Variants in TOX observed in about 807,000 individuals in gnomAD.
TOX encodes the protein thymocyte selection-associated high mobility group box protein TOX.
A neutral mutation model predicts 53.7 loss-of-function variants in TOX; 11 were observed. That is an observed-to-expected ratio of 0.20 (90% CI 0.13 to 0.34). The LOEUF is 0.34. Ranked by LOEUF, TOX falls within the 10% of genes least tolerant of loss-of-function variation. The pLI, the probability that TOX is intolerant of heterozygous loss-of-function variation, is 1.00. For synonymous variants in TOX, 225 were observed against 245.3 expected (o/e 0.92, Z 0.77); for missense variants, 570 against 664.6 (o/e 0.86, Z 1.56).
chr8:58,868,593 T>C (rs1210640303), intron 3 of TOX, among the ~76,000 whole-genome samples: 1 of 152,120 alleles, frequency 6.6e-6, no homozygotes, highest in Non-Finnish European at 1.5e-5. Context: ...AAAAAATAGT[T>C]ATTTAAAATT....
intron 1 of TOX, among the ~76,000 whole-genome samples, chr8:59,039,425 TCA>T (rs1803532837): frequency 6.6e-6 from 1 of 152,242 alleles, no homozygotes; most frequent in African/African-American, 2.4e-5. Flanking sequence ...TTTGGATTGC[TCA>T]CTGTTCAGCA....
intron 1 of TOX, among the ~76,000 whole-genome samples, chr8:59,097,571 G>C (rs374883513): frequency 5.9e-5 from 9 of 152,038 alleles, no homozygotes; most frequent in African/African-American, 2.2e-4. Flanking sequence ...TATTTCCTTC[G>C]TACCTAGGAT....
At chr8:59,051,884 TATTTAGTGAGTCAATATAATGAGC>T (rs1191025866) in intron 1 of TOX, among the ~76,000 whole-genome samples, 1 of 152,212 alleles carries the variant, frequency 6.6e-6, no homozygotes. Context: ...TTATCAGCTC[TATTTAGTGAGTCAATATAATGAGC>T]ACATCTGAAT....
In TOX at chr8:59,010,057, T is replaced by C. The variant is rs113521022; in HGVS notation, c.103-50049A>G. On this transcript the variant is annotated intron_variant, in intron 1 of 8. Transcript: ENST00000361421. The stretch of plus-strand genomic sequence containing the variant: ...ATAGAGTTTCTATCAAAATTATCAC[T>C]CTTGACTTTAAGATGATCTTCAAAG... Among the ~76,000 whole-genome samples, 813 of 152,310 alleles carry C rather than the reference T, an allele frequency of 5.3e-3. 3 individuals are homozygous for C. Among genetic ancestry groups the C allele is most frequent in the African/African-American group, 0.019 (778 of 41,554 alleles).
intron 1 of TOX, among the ~76,000 whole-genome samples, chr8:59,023,354 T>C (rs1814172553): frequency 4.5e-4 from 2 of 4,482 alleles, no homozygotes; most frequent in South Asian, 0.029. Context: ...GAAGGTACTC[T>C]ATGACTCTAA....
intron 3 of TOX, among the ~76,000 whole-genome samples, chr8:58,883,755 T>C (rs1015871443): frequency 3.3e-5 from 5 of 152,140 alleles, no homozygotes; most frequent in African/African-American, 2.4e-5. Flanking sequence ...CTGCTAATTA[T>C]ATAGAAATTG....
intron 1 of TOX, among the ~76,000 whole-genome samples, chr8:59,014,068 T>G (rs1813964677): frequency 6.6e-6 from 1 of 152,192 alleles, no homozygotes; most frequent in Non-Finnish European, 1.5e-5. Context: ...TAGTCATTGT[T>G]TTAGAAATGA....
chr8:58,892,134 A>G (rs534509342), intron 3 of TOX, among the ~76,000 whole-genome samples: 1 of 152,242 alleles, frequency 6.6e-6, no homozygotes, highest in Admixed American at 6.5e-5. Flanking sequence ...GACTGTTGTT[A>G]TAATTGCTCC....
chr8:58,948,202 T>C (rs974887363), intron 2 of TOX, among the ~76,000 whole-genome samples: 1 of 152,104 alleles, frequency 6.6e-6, no homozygotes, highest in Admixed American at 6.5e-5. Context: ...GATTCAGGGA[T>C]TACTGGAACC....
Position 58,904,533 on chromosome 8 carries a change from G to A in TOX, c.411+34769C>T, listed in dbSNP as rs116458616. On this transcript the variant is annotated intron_variant, in intron 3 of 8. Coordinates refer to ENST00000361421, the MANE Select transcript of TOX (RefSeq NM_014729.3). ...AATCTCTGGAAAATGACATTCACTG[G>A]TGTTCTATTGACCCAACATGACAAG... Among the ~76,000 whole-genome samples, 949 of 152,162 alleles carry A rather than the reference G, an allele frequency of 6.2e-3. 12 individuals are homozygous for A. The highest frequency in any genetic ancestry group is 0.022 in the African/African-American group (908 of 41,498).
intron 1 of TOX, among the ~76,000 whole-genome samples, chr8:59,075,264 G>C (rs1043430066): frequency 1.3e-5 from 2 of 152,094 alleles, no homozygotes; most frequent in Admixed American, 1.3e-4. Context: ...CAAAAATATG[G>C]TGCCTTGACA....
chr8:59,044,907 TG>T (rs1803657718), intron 1 of TOX, among the ~76,000 whole-genome samples: 1 of 152,208 alleles, frequency 6.6e-6, no homozygotes, highest in Admixed American at 6.5e-5. Flanking sequence ...GCTACACACA[TG>T]TTTTACTGCT....
chr8:58,833,317 C>T (rs553250397), intron 5 of TOX, among the ~76,000 whole-genome samples: 2 of 152,182 alleles, frequency 1.3e-5, no homozygotes, highest in African/African-American at 4.8e-5. Flanking sequence ...GCCGGCTTGC[C>T]GTGGCTAAAA....
chr8:58,978,487 G>T (rs1202219575), intron 1 of TOX, among the ~76,000 whole-genome samples: 1 of 152,098 alleles, frequency 6.6e-6, no homozygotes, highest in African/African-American at 2.4e-5. Flanking sequence ...ACAACATAAG[G>T]TATCTAATGT....
At chr8:58,925,589 C>T (rs897277982) in intron 3 of TOX, among the ~76,000 whole-genome samples, 7 of 152,146 alleles carry the variant, frequency 4.6e-5, no homozygotes, top group South Asian at 4.1e-4. Flanking sequence ...ACATATGAGG[C>T]GGCAGCTAAA....
chr8:59,112,623 T>C (rs1805035650), intron 1 of TOX, among the ~76,000 whole-genome samples: 1 of 151,886 alleles, frequency 6.6e-6, no homozygotes, highest in African/African-American at 2.4e-5. Context: ...TGGAAGTAAA[T>C]GAAAAGGGAA....
At chr8:58,985,467 GA>G (rs1813310293) in intron 1 of TOX, among the ~76,000 whole-genome samples, 1 of 152,150 alleles carries the variant, frequency 6.6e-6, no homozygotes, top group Non-Finnish European at 1.5e-5. Context: ...TATACAGACA[GA>G]AAGTAGAATG....
intron 1 of TOX, among the ~76,000 whole-genome samples, chr8:58,995,433 A>G (rs907319816): frequency 5.3e-5 from 8 of 152,234 alleles, no homozygotes; most frequent in African/African-American, 1.9e-4. Flanking sequence ...ATGAACTACA[A>G]TGCCCTAAAA....
chr8:59,118,623 C>T lies in TOX; in HGVS notation c.102+263G>A, dbSNP rs1189863836. Among the ~76,000 whole-genome samples, 1 of 152,222 alleles carries T rather than the reference C, an allele frequency of 6.6e-6. No individual in the cohort carries two copies. Among genetic ancestry groups the T allele is most frequent in the East Asian group, 1.9e-4 (1 of 5,194 alleles). ...TTAAACGCCCCCCGGCAAACCTAGG[C>T]AGGGATCCTTAGCCGCGAACAGCAG... On this transcript the variant is annotated intron_variant, in intron 1 of 8. Transcript: ENST00000361421. The surrounding 1 kb of genome is among the most constrained non-coding windows in gnomAD (Gnocchi z 4.1).
Sources: gnomAD v4.1 joint callset for allele counts (sites outside exome capture counted in the v4.1 genomes callset) on GRCh38, gnomAD v4.1.1 for gene constraint, Gnocchi (gnomAD v3.1) non-coding constraint, MANE v1.5 for transcripts, NCBI Gene and HGNC (gene_info 2026-07-23, HGNC 2026-07-21) for gene names.